TSC2: variants seen among roughly 807,000 people sequenced by gnomAD.
TSC2 encodes the protein tuberin.
A neutral mutation model predicts 202.2 loss-of-function variants in TSC2; 29 were observed. The ratio of observed to expected loss-of-function variants is 0.14; its 90% CI spans 0.11 to 0.20. The LOEUF (loss-of-function observed/expected upper bound fraction) is 0.20, where lower values mean the gene tolerates loss of function less well. Among genes scored for constraint, TSC2 ranks in the 10% least tolerant of loss-of-function variants. The pLI, the probability that TSC2 is intolerant of heterozygous loss-of-function variation, is 1.00. For missense variants in TSC2, 2,429 were observed against 2,420.0 expected (o/e 1.00, Z -0.08); for synonymous variants, 1,349 against 1,044.0 (o/e 1.29, Z -5.63).
chr16:2,074,757 C>G (rs1001563273), intron 22 of TSC2: 2 of 374,300 alleles, frequency 5.3e-6, no homozygotes, highest in Admixed American at 7.5e-5. Context: ...CCTGTCCCTT[C>G]CCCTCACCGC....
chr16:2,067,348 G>C (rs1040361691), intron 16 of TSC2, among the ~76,000 whole-genome samples: 3 of 151,842 alleles, frequency 2.0e-5, no homozygotes, highest in Non-Finnish European at 4.4e-5. Flanking sequence ...TTTTTGTAGA[G>C]ATGGGGTCTT....
chr16:2,062,579 C>A lies in TSC2; in HGVS notation c.1340C>A (p.Ala447Glu), dbSNP rs45486591. Residue 447 changes from alanine (A) to glutamate (E), a missense_variant, in exon 13 of 42, where the codon GCG becomes GAG. By Grantham distance (107) the Ala-to-Glu change is moderately radical. Coordinates refer to ENST00000219476, the MANE Select transcript of TSC2 (RefSeq NM_000548.5). The part of the protein sequence containing the change: ...AKDGWIQNLQ[A>E]LMERFFRSES... ...GACGGCTGGATTCAGAACCTGCAGG[C>A]GCTGATGGAGAGATTCTTCAGGTAG... 1 of 1,610,218 alleles carries A rather than the reference C, an allele frequency of 6.2e-7. No homozygotes were observed. Among genetic ancestry groups the A allele is most frequent in the Non-Finnish European group, 8.5e-7 (1 of 1,178,162 alleles).
intron 25 of TSC2, among the ~76,000 whole-genome samples, chr16:2,076,906 C>T (rs2089467200): frequency 6.6e-6 from 1 of 152,170 alleles, no homozygotes; most frequent in Non-Finnish European, 1.5e-5. Context: ...CAGCCCCCAG[C>T]CTGCTGCTAG....
chr16:2,075,729 C>G, intron 22 of TSC2, 70 bp from the exon 23 acceptor site: 1 of 1,525,674 alleles, frequency 6.6e-7, no homozygotes, highest in Admixed American at 1.7e-5. Context: ...GTGGGCAGAG[C>G]AGCCGTGTTG....
intron 10 of TSC2, among the ~76,000 whole-genome samples, chr16:2,059,811 G>C (rs2086406700): frequency 6.6e-6 from 1 of 152,122 alleles, no homozygotes; most frequent in Non-Finnish European, 1.5e-5. Context: ...GAGTCACCGT[G>C]CCCGGCCAAG....
In TSC2 at chr16:2,054,299, G is replaced by A. The variant is rs397515021; in HGVS notation, c.340G>A (p.Glu114Lys). The change falls in exon 5 of 42, where the codon GAG becomes AAG. Residue 114 changes from glutamate to lysine, a missense_variant. Transcript: ENST00000219476. ...ATCCTGTGGCTTTTGTCTTTAGGGC[G>A]AGCGTTTGGGGGTCCTCAGAGCCCT... Reference protein sequence around the residue: ...LLKAIVQGQGERLGVLRALFF... With the variant: ...LLKAIVQGQGKRLGVLRALFF... 1.9e-6 allele frequency: 3 copies of A among 1,614,172 alleles called. No individual in the cohort carries two copies. Among genetic ancestry groups the A allele is most frequent in the African/African-American group, 1.3e-5 (1 of 75,044 alleles).
At chr16:2,087,673 C>T (rs1049061871) in intron 38 of TSC2, among the ~76,000 whole-genome samples, 190 bp from the exon 39 acceptor site, 12 of 152,164 alleles carry the variant, frequency 7.9e-5, no homozygotes, top group African/African-American at 1.9e-4. Context: ...GTGGGTGCTG[C>T]GCCCAGATGT....
intron 12 of TSC2, 54 bp from the exon 13 acceptor site, chr16:2,062,443 G>A: frequency 6.6e-7 from 1 of 1,519,732 alleles, no homozygotes; most frequent in Non-Finnish European, 9.0e-7. Flanking sequence ...GCCCAGTGTG[G>A]AGAAGGAGAG....
At chr16:2,058,283 C>CA (rs1199159925) in intron 9 of TSC2, among the ~76,000 whole-genome samples, 9 of 152,204 alleles carry the variant, frequency 5.9e-5, no homozygotes, top group Non-Finnish European at 1.3e-4. Flanking sequence ...TGCCCTGATT[C>CA]CTCTTGCCAG....
At chr16:2,055,330 G>A (rs2085636042) in intron 5 of TSC2, 72 bp from the exon 6 acceptor site, 1 of 1,184,482 alleles carries the variant, frequency 8.4e-7, no homozygotes, top group South Asian at 1.2e-5. Context: ...ACACTGTCCT[G>A]CGGCGGGAGG....
chr16:2,061,739 G>A (rs1013789222), intron 11 of TSC2, 132 bp from the exon 12 acceptor site: 6 of 1,483,564 alleles, frequency 4.0e-6, no homozygotes, highest in East Asian at 4.6e-5. Context: ...GGGGGCGTCT[G>A]TCCCCATGCG....
At chr16:2,064,164 C>T (rs1484129396) in intron 14 of TSC2, 108 bp from the exon 15 acceptor site, 11 of 1,569,030 alleles carry the variant, frequency 7.0e-6, no homozygotes, top group East Asian at 2.2e-5. Flanking sequence ...GCTGAAGTCC[C>T]GAGGGACATG....
Position 2,071,852 on chromosome 16 carries a change from C to T in TSC2, c.2015C>T (p.Pro672Leu), listed in dbSNP as rs768864353. ...PLSPPTGPPG[P>L]APAGPAVRLG... Reference sequence around the variant, plus strand: ...TCTCCTCCCACAGGGCCTCCTGGCCCGGCGCCTGCAGGCCCCGCCGTGCGG... The same window carrying T: ...TCTCCTCCCACAGGGCCTCCTGGCCTGGCGCCTGCAGGCCCCGCCGTGCGG... The change falls in exon 19 of 42, where the codon CCG becomes CTG. Residue 672 changes from proline (P) to leucine (L), a missense_variant. Physicochemically the swap from Pro to Leu is moderately conservative, Grantham distance 98. Transcript: ENST00000219476. 17 of 1,568,844 alleles carry T rather than the reference C, an allele frequency of 1.1e-5. No homozygotes were observed. Among genetic ancestry groups the T allele is most frequent in the African/African-American group, 1.4e-5 (1 of 72,110 alleles).
chr16:2,080,678 G>T (rs1020961691), intron 30 of TSC2: 4 of 389,362 alleles, frequency 1.0e-5, no homozygotes, highest in East Asian at 5.4e-5. Context: ...TAGAGATGGG[G>T]TTTCACTGTG....
chr16:2,088,862 C>A lies in TSC2; in HGVS notation c.*252C>A. ...TTGAGGCTGCCTGGGCCATACAGCA[C>A]ACTCGCGCGTGCGCGCGCGCACACA... On this transcript the variant is annotated 3_prime_UTR_variant, in exon 42 of 42. Transcript: ENST00000219476. 1.8e-6 allele frequency: 1 copy of A among 552,216 alleles called. No individual in the cohort carries two copies. The highest frequency in any genetic ancestry group is 3.2e-6 in the Non-Finnish European group (1 of 311,982). 34.2% of individuals were successfully genotyped at this position (552,216 alleles called of 1,614,324 possible). A position where few individuals can be genotyped will look rare whatever the true frequency, so the allele number is the denominator to read the frequency against.
Position 2,080,171 on chromosome 16 carries a change from A to T in TSC2, c.3404A>T (p.His1135Leu). The T allele has an allele frequency of 6.2e-7, 1 of 1,612,928 alleles. No individual in the cohort carries two copies. The highest frequency in any genetic ancestry group is 1.7e-4 in the Middle Eastern group (1 of 6,060). ...RDRVRSMSGG[H>L]GLRVGALDVP... is the part of the protein sequence containing the mutation. ...CCTCTGCCCTCTTCTTCAGGGGGCC[A>T]TGGTCTTCGAGTTGGCGCCCTGGAC... is the stretch of plus-strand genomic sequence containing the variant. The change falls in exon 30 of 42, where the codon CAT becomes CTT. Residue 1135 changes from histidine to leucine, a missense_variant. Transcript: ENST00000219476.
At chr16:2,087,711 G>A in intron 38 of TSC2, 152 bp from the exon 39 acceptor site, 1 of 1,003,406 alleles carries the variant, frequency 1.0e-6, no homozygotes, top group South Asian at 1.4e-5. Flanking sequence ...GGGGAGGCCA[G>A]ACAAACACAG....
Position 2,080,171 on chromosome 16 carries a change from A to G in TSC2, c.3404A>G (p.His1135Arg), listed in dbSNP as rs1309968292. 3 of 1,612,810 alleles carry G rather than the reference A, an allele frequency of 1.9e-6. No individual in the cohort carries two copies. Among genetic ancestry groups the G allele is most frequent in the East Asian group, 2.2e-5 (1 of 44,890 alleles). ...CCTCTGCCCTCTTCTTCAGGGGGCC[A>G]TGGTCTTCGAGTTGGCGCCCTGGAC... ...RDRVRSMSGG[H>R]GLRVGALDVP... The change falls in exon 30 of 42, where the codon CAT (histidine) becomes CGT (arginine). Residue 1135 changes from histidine (H) to arginine (R), a missense_variant. His to Arg is a conservative substitution (Grantham distance 29, BLOSUM62 0). Coordinates refer to ENST00000219476, the MANE Select transcript of TSC2 (RefSeq NM_000548.5).
chr16:2,067,408 C>T (rs1333917810), intron 16 of TSC2, among the ~76,000 whole-genome samples: 1 of 151,592 alleles, frequency 6.6e-6, no homozygotes, highest in Non-Finnish European at 1.5e-5. Flanking sequence ...GCAGTTCTCC[C>T]ACCATAGCCT....
Sources: allele counts gnomAD v4.1 joint callset (sites outside exome capture counted in the v4.1 genomes callset), GRCh38; gene constraint gnomAD v4.1.1; transcripts MANE v1.5; gene names NCBI Gene and HGNC (gene_info 2026-07-23, HGNC 2026-07-21).